The following ELF3 variants were observed in gnomAD, a reference collection of about 807,000 sequenced individuals.
The protein encoded by ELF3 is E74 like ETS transcription factor 3.
In ELF3, 18 loss-of-function variants were observed where a neutral mutation model predicts 43.9. The ratio of observed to expected loss-of-function variants is 0.41; its 90% CI spans 0.28 to 0.61. The LOEUF (loss-of-function observed/expected upper bound fraction) is 0.61. Ranked by LOEUF, ELF3 falls within the 20% of genes least tolerant of loss-of-function variation. The pLI, the probability that ELF3 is intolerant of heterozygous loss-of-function variation, is 0.30. For synonymous variants in ELF3, 181 were observed against 190.2 expected, an observed-to-expected ratio of 0.95 and a Z score of 0.40; for missense variants, 373 against 487.7, an observed-to-expected ratio of 0.76 and a Z score of 2.21.
chr1:202,013,723 C>A lies in ELF3; in HGVS notation c.806-106C>A. On this transcript the variant is annotated intron_variant, in intron 7 of 8. Coordinates refer to ENST00000367284, the MANE Select transcript of ELF3 (RefSeq NM_004433.5). This position sits in a 1 kb window ranked among gnomAD's most constrained non-coding sequence, Gnocchi z 5.7. ...ACTGCGGGGTCTCTGGAGAGGCTTG[C>A]TGCATGCTGTGGCCAAGTCAGCAGT... 2 of 1,281,098 alleles carry A rather than the reference C, an allele frequency of 1.6e-6. No homozygotes were observed. Among genetic ancestry groups the A allele is most frequent in the East Asian group, 2.5e-5 (1 of 39,696 alleles). The allele number at this position is 1,281,098 out of a possible 1,614,324, so 79.4% of individuals were successfully genotyped here.
Position 202,012,907 on chromosome 1 carries a change from G to T in ELF3, c.599-40G>T. ...GAGCCAGCAGCGTGGTTGAGCAGAGGGTGGGCCGGCAGGGGACTTACTCTG... is the reference window on the plus strand; with the variant it reads ...GAGCCAGCAGCGTGGTTGAGCAGAGTGTGGGCCGGCAGGGGACTTACTCTG... On this transcript the variant is annotated intron_variant, in intron 5 of 8. Coordinates refer to ENST00000367284, the MANE Select transcript of ELF3 (RefSeq NM_004433.5). This position sits in a 1 kb window ranked among gnomAD's most constrained non-coding sequence, Gnocchi z 4.2. 6.3e-7 allele frequency: 1 copy of T among 1,584,418 alleles called. No individual in the cohort carries two copies. The highest frequency in any genetic ancestry group is 8.6e-7 in the Non-Finnish European group (1 of 1,166,688).
chr1:202,013,991 A>G lies in ELF3; in HGVS notation c.968A>G (p.Asn323Ser). ...TGGGGCCAAAAGAAAAAGAACAGCA[A>G]CATGACCTACGAGAAGCTGAGCCGG... ...QLWGQKKKNS[N>S]MTYEKLSRAM... Residue 323 changes from asparagine (N) to serine (S), a missense_variant, in exon 8 of 9, where the codon AAC (asparagine) becomes AGC (serine). Asn to Ser is a conservative substitution (Grantham distance 46). This residue lies in a region of ELF3 where 61 missense variants were observed against 115.9 expected (regional missense o/e 0.53). Coordinates refer to ENST00000367284, the MANE Select transcript of ELF3 (RefSeq NM_004433.5). The surrounding 1 kb of genome is among the most constrained non-coding windows in gnomAD (Gnocchi z 5.7). 1.2e-6 allele frequency: 2 copies of G among 1,613,486 alleles called. No individual in the cohort carries two copies. Among genetic ancestry groups the G allele is most frequent in the Non-Finnish European group, 1.7e-6 (2 of 1,179,682 alleles).
Position 202,011,268 on chromosome 1 carries a change from G to T in ELF3, c.132G>T (p.Leu44=). ...GGGCCGATGACTTGGTACTGACCCT[G>T]AGCAACCCCCAGATGTCATTGGAGG... The part of the protein sequence containing the change: ...TFGADDLVLT[L]SNPQMSLEGT... Residue 44 remains leucine, a synonymous_variant, in exon 2 of 9, where the codon CTG becomes CTT. Transcript: ENST00000367284. 1 of 1,608,172 alleles carries T rather than the reference G, an allele frequency of 6.2e-7. No individual in the cohort carries two copies. Among genetic ancestry groups the T allele is most frequent in the South Asian group, 1.1e-5 (1 of 90,200 alleles).
chr1:202,012,000 G>A lies in ELF3; in HGVS notation c.207G>A (p.Lys69=). The A allele has an allele frequency of 6.2e-7, 1 of 1,614,152 alleles. No homozygotes were observed. The highest frequency in any genetic ancestry group is 8.5e-7 in the Non-Finnish European group (1 of 1,180,048). The change falls in exon 3 of 9, where the codon AAG becomes AAA. Residue 69 remains lysine, a synonymous_variant. Transcript: ENST00000367284. Reference sequence around the variant, plus strand: ...GGGAACAGCCCCAGTTCTGGTCGAAGACGCAGGTTCTGGACTGGATCAGCT... The same window carrying A: ...GGGAACAGCCCCAGTTCTGGTCGAAAACGCAGGTTCTGGACTGGATCAGCT... ...WLGEQPQFWS[K]TQVLDWISYQ...
Position 202,012,977 on chromosome 1 carries a change from C to G in ELF3, c.629C>G (p.Ser210Ter). The stretch of plus-strand genomic sequence containing the variant: ...GGTGCTTCTCGGAGCTCCCACTCCT[C>G]AGACTCCGGTGGAAGTGACGTGGAC... ...GTGASRSSHS[S>*]DSGGSDVDLD... The change falls in exon 6 of 9, where the codon TCA becomes TGA. Residue 210 changes from serine to a stop codon, truncating the protein, a stop_gained. Coordinates refer to ENST00000367284, the MANE Select transcript of ELF3 (RefSeq NM_004433.5). LOFTEE classifies it high-confidence loss of function. The surrounding 1 kb of genome is among the most constrained non-coding windows in gnomAD (Gnocchi z 4.2). 1 of 1,613,710 alleles carries G rather than the reference C, an allele frequency of 6.2e-7. No individual in the cohort carries two copies. Among genetic ancestry groups the G allele is most frequent in the Non-Finnish European group, 8.5e-7 (1 of 1,179,804 alleles).
In ELF3 at chr1:202,016,993, T is replaced by C. The variant is rs1204487111; in HGVS notation, c.*1670T>C. ...CCACAGTGATACTGTGTCTAGGTTT[T>C]AGGGAGGACAGTTCATTGATGTTAC... On this transcript the variant is annotated 3_prime_UTR_variant, in exon 9 of 9. Transcript: ENST00000367284. 1 of 152,196 alleles carries C rather than the reference T, an allele frequency of 6.6e-6. No individual in the cohort carries two copies. The highest frequency in any genetic ancestry group is 1.5e-5 in the Non-Finnish European group (1 of 68,032). 9.4% of individuals were successfully genotyped at this position (152,196 alleles called of 1,614,324 possible). A position where few individuals can be genotyped will look rare whatever the true frequency, so the allele number is the denominator to read the frequency against.
chr1:202,014,213 A>G (rs560608489), intron 8 of ELF3, among the ~76,000 whole-genome samples, 189 bp downstream of exon 8: 32 of 152,368 alleles, frequency 2.1e-4, no homozygotes, highest in African/African-American at 7.2e-4. Context: ...AGCCTGGCAG[A>G]CAGCAGACAC....
Position 202,011,388 on chromosome 1 carries a change from G to A in ELF3, c.163+89G>A, listed in dbSNP as rs182727667. 1.9e-4 allele frequency: 285 copies of A among 1,465,656 alleles called. No homozygotes were observed. The Middle Eastern group carries it at 3.1e-3, about 16-fold the overall frequency. 90.8% of individuals were successfully genotyped at this position (1,465,656 alleles called of 1,614,324 possible). ...GACAAATGGGGGAATAGGCAGGGAGGAGGGTCTCTAGGCAAATTCCAGGGC... is the reference window on the plus strand; with the variant it reads ...GACAAATGGGGGAATAGGCAGGGAGAAGGGTCTCTAGGCAAATTCCAGGGC... On this transcript the variant is annotated intron_variant, in intron 2 of 8. Transcript: ENST00000367284.
chr1:202,012,241 G>T lies in ELF3; in HGVS notation c.385+63G>T. The T allele has an allele frequency of 6.2e-7, 1 of 1,606,490 alleles. No individual in the cohort carries two copies. The highest frequency in any genetic ancestry group is 1.1e-5 in the South Asian group (1 of 90,514). On this transcript the variant is annotated intron_variant, in intron 3 of 8. Transcript: ENST00000367284. This position sits in a 1 kb window ranked among gnomAD's most constrained non-coding sequence, Gnocchi z 4.2. Reference sequence around the variant, plus strand: ...CATGTTGAGCTGAGTCGAGTTCAGTGTGGCCGTAGGCAGGCCCTGGAGCTC... The same window carrying T: ...CATGTTGAGCTGAGTCGAGTTCAGTTTGGCCGTAGGCAGGCCCTGGAGCTC...
Position 202,012,702 on chromosome 1 carries a change from C to A in ELF3, c.541C>A (p.Pro181Thr), listed in dbSNP as rs761561796. 3 of 1,608,412 alleles carry A rather than the reference C, an allele frequency of 1.9e-6. No homozygotes were observed. The part of the protein sequence containing the change: ...DDGQQASPYH[P>T]GSCGAGAPSP... The stretch of plus-strand genomic sequence containing the variant: ...CGGTCAGCAAGCCAGCCCCTACCAC[C>A]CCGGCAGCTGTGGCGCAGGAGCCCC... The change falls in exon 5 of 9, where the codon CCC becomes ACC. Residue 181 changes from proline to threonine, a missense_variant. Around this residue, in one of 3 missense-constraint regions of ELF3, gnomAD observed 311 missense variants for 351.2 expected, o/e 0.89. Transcript: ENST00000367284. This position sits in a 1 kb window ranked among gnomAD's most constrained non-coding sequence, Gnocchi z 4.2.
chr1:202,011,024 TG>T, intron 1 of ELF3, 104 bp from the exon 2 acceptor site: 4 of 1,308,730 alleles, frequency 3.1e-6, no homozygotes, highest in South Asian at 1.4e-5. Flanking sequence ...TTCCTGCCCC[TG>T]GGGGCTACTC....
In ELF3 at chr1:202,013,204, G is replaced by C. The variant is rs1290635173; in HGVS notation, c.711G>C (p.Lys237Asn). 6.2e-7 allele frequency: 1 copy of C among 1,614,116 alleles called. No homozygotes were observed. The change falls in exon 7 of 9, where the codon AAG (lysine) becomes AAC (asparagine). Residue 237 changes from lysine to asparagine, a missense_variant. Around this residue, in one of 3 missense-constraint regions of ELF3, gnomAD observed 311 missense variants for 351.2 expected, o/e 0.89. Coordinates refer to ENST00000367284, the MANE Select transcript of ELF3 (RefSeq NM_004433.5). The surrounding 1 kb of genome is among the most constrained non-coding windows in gnomAD (Gnocchi z 5.7). ...CAGATGGTTTTCGTGACTGCAAGAAGGGGGATCCCAAGCACGGGAAGCGGA... is the reference window on the plus strand; with the variant it reads ...CAGATGGTTTTCGTGACTGCAAGAACGGGGATCCCAAGCACGGGAAGCGGA... Reference protein sequence around the residue: ...FPSDGFRDCKKGDPKHGKRKR... With the variant: ...FPSDGFRDCKNGDPKHGKRKR...
At position 202,015,617 on chromosome 1, in the gene ELF3, A is replaced by C; in HGVS notation, c.*294A>C. ...CCTCAAACCCAGTCTCAGACACTAAATGCAGACAACACCTTCCTCCTGCAG... is the reference window on the plus strand; with the variant it reads ...CCTCAAACCCAGTCTCAGACACTAACTGCAGACAACACCTTCCTCCTGCAG... On this transcript the variant is annotated 3_prime_UTR_variant, in exon 9 of 9. Coordinates refer to ENST00000367284, the MANE Select transcript of ELF3 (RefSeq NM_004433.5). The C allele has an allele frequency of 1.3e-5, 5 of 381,208 alleles. No homozygotes were observed. The highest frequency in any genetic ancestry group is 5.5e-5 in the East Asian group (1 of 18,110). The allele number at this position is 381,208 out of a possible 1,614,324, so 23.6% of individuals were successfully genotyped here. A position where few individuals can be genotyped will look rare whatever the true frequency, so the allele number is the denominator to read the frequency against.
Position 202,012,369 on chromosome 1 carries a change from T to C in ELF3, c.411T>C (p.Ser137=), listed in dbSNP as rs753773694. 20 of 1,614,028 alleles carry C rather than the reference T, an allele frequency of 1.2e-5. No individual in the cohort carries two copies. The highest frequency in any genetic ancestry group is 3.3e-5 in the Admixed American group (2 of 60,000). The change falls in exon 4 of 9, where the codon AGT becomes AGC. Residue 137 remains serine, a synonymous_variant. Transcript: ENST00000367284. The surrounding 1 kb of genome is among the most constrained non-coding windows in gnomAD (Gnocchi z 4.2). The part of the protein sequence containing the change: ...DLTSSSSDEL[S]WIIELLEKDG... The stretch of plus-strand genomic sequence containing the variant: ...CTTCCAGCTCTTCTGATGAGCTCAG[T>C]TGGATCATTGAGCTGCTGGAGAAGG...
In ELF3 at chr1:202,013,686, C is replaced by A. The variant is rs750012751; in HGVS notation, c.806-143C>A. The A allele has an allele frequency of 7.8e-6, 7 of 897,066 alleles. No homozygotes were observed. Among genetic ancestry groups the A allele is most frequent in the Admixed American group, 5.8e-5 (2 of 34,676 alleles). 55.6% of individuals were successfully genotyped at this position (897,066 alleles called of 1,614,324 possible). A position where few individuals can be genotyped will look rare whatever the true frequency, so the allele number is the denominator to read the frequency against. On this transcript the variant is annotated intron_variant, in intron 7 of 8. Transcript: ENST00000367284. This position sits in a 1 kb window ranked among gnomAD's most constrained non-coding sequence, Gnocchi z 5.7. ...GGAGAAAAGCAGTCACTGCAGTACC[C>A]GCACAGAGGGCACTGCGGGGTCTCT... is the stretch of plus-strand genomic sequence containing the variant.
intron 8 of ELF3, 169 bp from the exon 9 acceptor site, chr1:202,015,039 GC>G (rs1684284646): frequency 6.6e-6 from 4 of 601,608 alleles, no homozygotes; most frequent in Non-Finnish European, 3.0e-6. Context: ...GCTTCTGCTT[GC>G]CAGTGTGAAG....
intron 8 of ELF3, among the ~76,000 whole-genome samples, chr1:202,014,282 A>C (rs762768103): frequency 6.6e-6 from 1 of 152,230 alleles, no homozygotes; most frequent in Non-Finnish European, 1.5e-5. Flanking sequence ...GTCCTCAGGA[A>C]GGCACCTGGA....
At position 202,013,117 on chromosome 1, in the gene ELF3, T is replaced by C; in HGVS notation, c.689-65T>C. 6.2e-7 allele frequency: 1 copy of C among 1,603,530 alleles called. No individual in the cohort carries two copies. Among genetic ancestry groups the C allele is most frequent in the Non-Finnish European group, 8.5e-7 (1 of 1,173,954 alleles). On this transcript the variant is annotated intron_variant, in intron 6 of 8. Coordinates refer to ENST00000367284, the MANE Select transcript of ELF3 (RefSeq NM_004433.5). The surrounding 1 kb of genome is among the most constrained non-coding windows in gnomAD (Gnocchi z 5.7). Reference sequence around the variant, plus strand: ...CGGCTCTTCCTGCAGCCTTTTCCTGTAGAGGGGCTACTCTCCCTAACTCCC... The same window carrying C: ...CGGCTCTTCCTGCAGCCTTTTCCTGCAGAGGGGCTACTCTCCCTAACTCCC...
At chr1:202,014,147 G>A (rs1684268544) in intron 8 of ELF3, 123 bp downstream of exon 8, 2 of 1,185,728 alleles carry the variant, frequency 1.7e-6, no homozygotes, top group Non-Finnish European at 2.3e-6. Flanking sequence ...TTAGAGTGAG[G>A]ACAACATCTG....
Sources: allele counts gnomAD v4.1 joint callset (sites outside exome capture counted in the v4.1 genomes callset), GRCh38; gene constraint gnomAD v4.1.1; regional missense constraint gnomAD v4.1.1; non-coding constraint Gnocchi (gnomAD v3.1); transcripts MANE v1.5; gene names NCBI Gene and HGNC (gene_info 2026-07-23, HGNC 2026-07-21).